TRMT13: variants seen among roughly 807,000 people sequenced by gnomAD.
TRMT13 encodes the protein tRNA:m(4)X modification enzyme TRM13 homolog.
In TRMT13, 45 loss-of-function variants were observed where a neutral mutation model predicts 55.9. The ratio of observed to expected loss-of-function variants is 0.80; its 90% CI spans 0.63 to 1.03. TRMT13 has a LOEUF of 1.03. Among genes scored for constraint, TRMT13 ranks in the 50% least tolerant of loss-of-function variants. The pLI is 0.00. For missense variants in TRMT13, 513 were observed against 563.9 expected (o/e 0.91, Z 0.91); for synonymous variants, 183 against 196.3 (o/e 0.93, Z 0.57).
At chr1:100,137,179 GA>G (rs1182972212) in intron 3 of TRMT13, 94 bp downstream of exon 3, 2 of 1,065,842 alleles carry the variant, frequency 1.9e-6, no homozygotes, top group African/African-American at 3.2e-5. Context: ...CATAGCTGAG[GA>G]ACCCAAGCTC....
intron 9 of TRMT13, among the ~76,000 whole-genome samples, chr1:100,145,025 A>G (rs1657063866): frequency 6.6e-6 from 1 of 152,232 alleles, no homozygotes; most frequent in Admixed American, 6.5e-5. Context: ...CAGTGGTCCT[A>G]TAAAATTATA....
rs770411372 is a variant in TRMT13 at position 100,149,364 on chromosome 1, A to G, written c.*544A>G. The G allele has an allele frequency of 9.7e-6, 15 of 1,543,562 alleles. No individual in the cohort carries two copies. In the South Asian group the frequency reaches 1.8e-4, roughly 19 times the overall value. On this transcript the variant is annotated 3_prime_UTR_variant, in exon 11 of 11. Coordinates refer to ENST00000370141, the MANE Select transcript of TRMT13 (RefSeq NM_019083.3). ...ATAAACACAATTAATTAATGAAGTC[A>G]CCTTCAAATTTCCAGAGCCATACAT... is the stretch of plus-strand genomic sequence containing the variant.
chr1:100,134,754 ATAG>A (rs1407623815), intron 1 of TRMT13, among the ~76,000 whole-genome samples: 1 of 152,236 alleles, frequency 6.6e-6, no homozygotes, highest in African/African-American at 2.4e-5. Flanking sequence ...AATAGTGATG[ATAG>A]TAGAATATGA....
intron 9 of TRMT13, among the ~76,000 whole-genome samples, chr1:100,146,305 G>T (rs1316899133): frequency 6.6e-6 from 1 of 152,036 alleles, no homozygotes; most frequent in Non-Finnish European, 1.5e-5. Context: ...TGAATTTTTT[G>T]AGTATATGGT....
At chr1:100,140,761 T>C in intron 6 of TRMT13, 91 bp from the exon 7 acceptor site, 2 of 1,250,400 alleles carry the variant, frequency 1.6e-6, no homozygotes, top group Non-Finnish European at 1.1e-6. Context: ...AATGTAAGCA[T>C]ACTGCCTTAT....
chr1:100,149,096 A>G lies in TRMT13; in HGVS notation c.*276A>G. The G allele has an allele frequency of 2.5e-6, 4 of 1,601,480 alleles. No homozygotes were observed. The highest frequency in any genetic ancestry group is 3.4e-6 in the Non-Finnish European group (4 of 1,175,896). On this transcript the variant is annotated 3_prime_UTR_variant, in exon 11 of 11. Coordinates refer to ENST00000370141, the MANE Select transcript of TRMT13 (RefSeq NM_019083.3). ...AAGTAGTTGAACCGTTGACTTGGTG[A>G]TCTGAAACATACATAACATGTCAAC... is the stretch of plus-strand genomic sequence containing the variant.
chr1:100,134,705 T>C (rs1179259801), intron 1 of TRMT13, among the ~76,000 whole-genome samples: 1 of 152,222 alleles, frequency 6.6e-6, no homozygotes, highest in Non-Finnish European at 1.5e-5. Context: ...GAGAAGGATT[T>C]AGACTCCACC....
At chr1:100,134,947 C>T (rs1274892140) in intron 1 of TRMT13, among the ~76,000 whole-genome samples, 1 of 152,128 alleles carries the variant, frequency 6.6e-6, no homozygotes. Context: ...GTGTTTCCAT[C>T]TTTTTTTCTA....
intron 3 of TRMT13, among the ~76,000 whole-genome samples, chr1:100,137,672 T>A (rs1283186016): frequency 6.6e-6 from 1 of 152,106 alleles, no homozygotes; most frequent in African/African-American, 2.4e-5. Flanking sequence ...AAAGGTAGTC[T>A]GGGAAAAAAG....
At chr1:100,140,609 C>T in intron 6 of TRMT13, 95 bp downstream of exon 6, 1 of 1,040,058 alleles carries the variant, frequency 9.6e-7, no homozygotes, top group Non-Finnish European at 1.4e-6. Context: ...ATTTTGTTTA[C>T]CTTTGAGGGT....
chr1:100,147,882 T>A lies in TRMT13; in HGVS notation c.818-12T>A. The A allele has an allele frequency of 6.3e-7, 1 of 1,576,742 alleles. No individual in the cohort carries two copies. The highest frequency in any genetic ancestry group is 8.6e-7 in the Non-Finnish European group (1 of 1,164,000). On this transcript the variant is annotated splice_polypyrimidine_tract_variant and intron_variant, in intron 9 of 10. Transcript: ENST00000370141. ...GATGTGGTTTGGGGGGGCCACATAATTGTGTTTGCAGATCTTGCATTACGA... is the reference window on the plus strand; with the variant it reads ...GATGTGGTTTGGGGGGGCCACATAAATGTGTTTGCAGATCTTGCATTACGA...
chr1:100,141,312 A>G (rs1656593185), intron 7 of TRMT13, among the ~76,000 whole-genome samples: 1 of 152,174 alleles, frequency 6.6e-6, no homozygotes, highest in Non-Finnish European at 1.5e-5. Context: ...CTCTACTCCT[A>G]TCTTTGCCAC....
At chr1:100,139,097 G>T (rs1193976486) in intron 3 of TRMT13, among the ~76,000 whole-genome samples, 1 of 152,146 alleles carries the variant, frequency 6.6e-6, no homozygotes, top group African/African-American at 2.4e-5. Context: ...ACTGTGCCTG[G>T]CTTCATTACG....
At chr1:100,140,645 T>C (rs943492721) in intron 6 of TRMT13, 131 bp downstream of exon 6, 2 of 850,312 alleles carry the variant, frequency 2.4e-6, no homozygotes, top group African/African-American at 3.4e-5. Flanking sequence ...TTCAAAAATA[T>C]ATAGAAACAT....
intron 7 of TRMT13, 93 bp from the exon 8 acceptor site, chr1:100,143,044 C>A: frequency 1.3e-6 from 1 of 783,104 alleles, no homozygotes. Flanking sequence ...TTCTGTTGCT[C>A]TGAATTTTGA....
rs1359366173 is a variant in TRMT13 at position 100,146,662 on chromosome 1, C to T, written c.818-1232C>T. The stretch of plus-strand genomic sequence containing the variant: ...CTGGGACTACAGACTCGTGCCACCA[C>T]GCCCGGCTAATTTTTGTATTTTTAG... On this transcript the variant is annotated intron_variant, in intron 9 of 10. Transcript: ENST00000370141. 4.6e-5 allele frequency among the ~76,000 whole-genome samples: 7 copies of T among 152,276 alleles called. No individual in the cohort carries two copies. The East Asian group carries it at 7.7e-4, about 17-fold the overall frequency.
rs1042971703 is a variant in TRMT13 at position 100,140,993 on chromosome 1, G to A, written c.643G>A (p.Val215Met). The change falls in exon 7 of 11, where the codon GTG (valine) becomes ATG (methionine). Residue 215 changes from valine (V) to methionine (M), a missense_variant. Val to Met is a conservative substitution (Grantham distance 21, BLOSUM62 1). Around this residue, in one of 3 missense-constraint regions of TRMT13, gnomAD observed 298 missense variants for 290.3 expected, o/e 1.03. Coordinates refer to ENST00000370141, the MANE Select transcript of TRMT13 (RefSeq NM_019083.3). Reference protein sequence around the residue: ...KDAEKVHFILVEKVTTRFKVD... With the variant: ...KDAEKVHFILMEKVTTRFKVD... ...TGCTGAAAAAGTTCACTTCATCCTAGTGGAAAAGGTGACCACAAGATTCAA... is the reference window on the plus strand; with the variant it reads ...TGCTGAAAAAGTTCACTTCATCCTAATGGAAAAGGTGACCACAAGATTCAA... 1 of 1,612,556 alleles carries A rather than the reference G, an allele frequency of 6.2e-7. No homozygotes were observed. Among genetic ancestry groups the A allele is most frequent in the Non-Finnish European group, 8.5e-7 (1 of 1,179,208 alleles).
chr1:100,141,118 G>T, intron 7 of TRMT13, 99 bp downstream of exon 7: 1 of 1,141,304 alleles, frequency 8.8e-7, no homozygotes, highest in Non-Finnish European at 1.2e-6. Context: ...GAAAGGAAAG[G>T]AATTTTCTTT....
rs752332806 is a variant in TRMT13, at chr1:100,149,000, T to TTCACCAAA, written c.*181_*188dup. The stretch of plus-strand genomic sequence containing the variant: ...CTTCAGAAATCCAAACATTAGAGAA[T>TTCACCAAA]TCACCAAAGTAATCCTCTTTAGAAG... On this transcript the variant is annotated 3_prime_UTR_variant, in exon 11 of 11. Transcript: ENST00000370141. 1 of 1,475,994 alleles carries TTCACCAAA rather than the reference T, an allele frequency of 6.8e-7. No individual in the cohort carries two copies. The highest frequency in any genetic ancestry group is 2.5e-5 in the East Asian group (1 of 40,718). The allele number at this position is 1,475,994 out of a possible 1,614,324, so 91.4% of individuals were successfully genotyped here.
Sources: allele counts gnomAD v4.1 joint callset (sites outside exome capture counted in the v4.1 genomes callset), GRCh38; gene constraint gnomAD v4.1.1; regional missense constraint gnomAD v4.1.1; transcripts MANE v1.5; gene names NCBI Gene and HGNC (gene_info 2026-07-23, HGNC 2026-07-21).